Variants in POLR3G observed in about 807,000 individuals in gnomAD.
POLR3G encodes the protein DNA-directed RNA polymerase III subunit RPC7.
POLR3G carries 28 observed loss-of-function variants against 30.1 expected under a neutral mutation model. The observed-to-expected ratio is 0.93, with a 90% CI of 0.69 to 1.27. The LOEUF is 1.27. Among genes scored for constraint, POLR3G ranks in the 50% most tolerant of loss-of-function variants. The pLI is 0.00. For synonymous variants in POLR3G, 79 were observed against 82.5 expected (o/e 0.96, Z 0.23); for missense variants, 254 against 264.6 (o/e 0.96, Z 0.28).
chr5:90,509,520 C>A (rs1052740849), intron 7 of POLR3G, among the ~76,000 whole-genome samples: 1 of 152,046 alleles, frequency 6.6e-6, no homozygotes, highest in Non-Finnish European at 1.5e-5. Flanking sequence ...ACAGTAGTAC[C>A]GGATGCTATA....
intron 3 of POLR3G, among the ~76,000 whole-genome samples, chr5:90,489,072 C>T (rs933964999): frequency 2.6e-5 from 4 of 152,078 alleles, no homozygotes; most frequent in Non-Finnish European, 5.9e-5. Flanking sequence ...AAATGCATTC[C>T]ATTTTTCCTC....
intron 7 of POLR3G, among the ~76,000 whole-genome samples, chr5:90,508,575 C>T (rs957927721): frequency 1.3e-5 from 2 of 151,860 alleles, no homozygotes; most frequent in African/African-American, 2.4e-5. Flanking sequence ...GCTGTCATCA[C>T]CCCTCCCCCT....
rs1275142283 is a variant in POLR3G, at chr5:90,514,421, T to C, written c.*2282T>C. 6.6e-6 allele frequency: 1 copy of C among 151,430 alleles called. No homozygotes were observed. Among genetic ancestry groups the C allele is most frequent in the East Asian group, 1.9e-4 (1 of 5,132 alleles). The allele number at this position is 151,430 out of a possible 1,614,324, so 9.4% of individuals were successfully genotyped here. A position where few individuals can be genotyped will look rare whatever the true frequency, so the allele number is the denominator to read the frequency against. ...TGTGTTCGTTTGTTTTATAGTAAGA[T>C]GTTTTATTTTGAACTTATTTAAATG... is the stretch of plus-strand genomic sequence containing the variant. On this transcript the variant is annotated 3_prime_UTR_variant, in exon 8 of 8. Transcript: ENST00000651687.
intron 3 of POLR3G, among the ~76,000 whole-genome samples, chr5:90,489,292 T>G (rs1022924436): frequency 1.4e-5 from 2 of 146,602 alleles, no homozygotes; most frequent in African/African-American, 5.1e-5. Flanking sequence ...TGGGATGGAG[T>G]CTCACTCTTG....
At chr5:90,503,382 T>G (rs182011536) in intron 6 of POLR3G, among the ~76,000 whole-genome samples, 1 of 152,314 alleles carries the variant, frequency 6.6e-6, no homozygotes, top group African/African-American at 2.4e-5. Context: ...AGAGTACTGA[T>G]GAAGGAGCAG....
chr5:90,477,050 T>C (rs1750860284), intron 1 of POLR3G, among the ~76,000 whole-genome samples: 1 of 152,152 alleles, frequency 6.6e-6, no homozygotes, highest in Non-Finnish European at 1.5e-5. Context: ...CTTGATTGGA[T>C]TGAAGAGGCT....
At chr5:90,489,904 C>G (rs767875453) in intron 3 of POLR3G, among the ~76,000 whole-genome samples, 1 of 151,912 alleles carries the variant, frequency 6.6e-6, no homozygotes, top group African/African-American at 2.4e-5. Context: ...GTCAGGAGTT[C>G]GAGATCAGCC....
At chr5:90,495,244 T>G (rs1484219543) in intron 3 of POLR3G, among the ~76,000 whole-genome samples, 4 of 152,210 alleles carry the variant, frequency 2.6e-5, no homozygotes, top group Non-Finnish European at 5.9e-5. Flanking sequence ...GCCTAACTCC[T>G]GAACTACTTT....
At chr5:90,501,698 C>T (rs188983108) in intron 5 of POLR3G, among the ~76,000 whole-genome samples, 8 of 152,076 alleles carry the variant, frequency 5.3e-5, no homozygotes, top group Admixed American at 1.3e-4. Flanking sequence ...AAAAAAAAAT[C>T]CTACTACGTG....
At chr5:90,506,039 A>G (rs1288335403) in intron 6 of POLR3G, among the ~76,000 whole-genome samples, 2 of 152,132 alleles carry the variant, frequency 1.3e-5, no homozygotes, top group African/African-American at 2.4e-5. Context: ...GTTTGAGACC[A>G]GCATAGCCAA....
rs866402208 is a variant in POLR3G, at chr5:90,489,916, G to A, written c.247+1787G>A. 7.2e-5 allele frequency among the ~76,000 whole-genome samples: 11 copies of A among 152,066 alleles called. 1 individual carries two copies. Among genetic ancestry groups the A allele is most frequent in the South Asian group, 4.1e-4 (2 of 4,828 alleles). On this transcript the variant is annotated intron_variant, in intron 3 of 7. Transcript: ENST00000651687. ...GAGGTCAGGAGTTCGAGATCAGCCT[G>A]GCCAACATGGGAAAACCCTGTCTCT... is the stretch of plus-strand genomic sequence containing the variant.
At chr5:90,508,572 T>C (rs1425412714) in intron 7 of POLR3G, among the ~76,000 whole-genome samples, 1 of 152,050 alleles carries the variant, frequency 6.6e-6, no homozygotes, top group Non-Finnish European at 1.5e-5. Context: ...TTAGCTGTCA[T>C]CACCCCTCCC....
intron 3 of POLR3G, among the ~76,000 whole-genome samples, chr5:90,491,068 T>C (rs1220332216): frequency 6.6e-6 from 1 of 152,146 alleles, no homozygotes. Flanking sequence ...TCTCAAGACT[T>C]CCTGATAGTC....
At chr5:90,485,416 A>G (rs1234765204) in intron 1 of POLR3G, 109 bp from the exon 2 acceptor site, 2 of 623,530 alleles carry the variant, frequency 3.2e-6, no homozygotes, top group Non-Finnish European at 5.7e-6. Context: ...TTTGCTTTCC[A>G]AAAGTATTTT....
At chr5:90,474,032 G>A (rs773613651), upstream of POLR3G, 23 of 1,592,900 alleles carry the variant, frequency 1.4e-5, no homozygotes. Context: ...CGCCGGAGTG[G>A]TCGAAGTGCA....
Position 90,485,689 on chromosome 5 carries a change from G to A in POLR3G, c.117+5G>A, listed in dbSNP as rs200027634. The A allele has an allele frequency of 1.1e-4, 179 of 1,588,268 alleles. No homozygotes were observed. The highest frequency in any genetic ancestry group is 1.5e-4 in the Non-Finnish European group (171 of 1,158,802). On this transcript the variant is annotated splice_donor_5th_base_variant and intron_variant, in intron 2 of 7. Coordinates refer to ENST00000651687, the MANE Select transcript of POLR3G (RefSeq NM_006467.3). ...AAACCACCCCCACTATTTCCTGTAA[G>A]TATATGAACAGTTGAATTCTCATAG...
chr5:90,495,538 C>T (rs542177643), intron 3 of POLR3G, 139 bp from the exon 4 acceptor site: 3 of 1,392,876 alleles, frequency 2.2e-6, no homozygotes, highest in Middle Eastern at 1.9e-4. Context: ...TTCCCATTCT[C>T]TTATGTACAA....
chr5:90,475,373 ATC>A (rs1228138098), intron 1 of POLR3G, among the ~76,000 whole-genome samples: 2 of 152,180 alleles, frequency 1.3e-5, no homozygotes, highest in Non-Finnish European at 2.9e-5. Flanking sequence ...ACTATTCAGT[ATC>A]TGTTTTCGTA....
At chr5:90,491,630 T>TA (rs2151906705) in intron 3 of POLR3G, among the ~76,000 whole-genome samples, 1 of 152,202 alleles carries the variant, frequency 6.6e-6, no homozygotes, top group Non-Finnish European at 1.5e-5. Flanking sequence ...GACATTTTCT[T>TA]AAAAAGGAAA....
Sources: allele counts gnomAD v4.1 joint callset (sites outside exome capture counted in the v4.1 genomes callset), GRCh38; gene constraint gnomAD v4.1.1; transcripts MANE v1.5; gene names NCBI Gene and HGNC (gene_info 2026-07-23, HGNC 2026-07-21).